Variants in SCAF8 observed in about 807,000 individuals in gnomAD.
The protein encoded by SCAF8 is SR-related and CTD-associated factor 8.
A neutral mutation model predicts 140.5 loss-of-function variants in SCAF8; 23 were observed. The ratio of observed to expected loss-of-function variants is 0.16; its 90% CI spans 0.12 to 0.23. The LOEUF is 0.23. SCAF8 is among the 10% of genes least tolerant of loss of function. The pLI is 1.00. For synonymous variants in SCAF8, 575 were observed against 528.9 expected, an observed-to-expected ratio of 1.09 and a Z score of -1.20; for missense variants, 1,397 against 1,555.7, an observed-to-expected ratio of 0.90 and a Z score of 1.72.
At chr6:154,777,006 C>T (rs2114850757) in intron 2 of SCAF8, among the ~76,000 whole-genome samples, 1 of 152,258 alleles carries the variant, frequency 6.6e-6, no homozygotes, top group Admixed American at 6.5e-5. Flanking sequence ...CATGGCGAAA[C>T]CCCGTCTCTA....
intron 6 of SCAF8, among the ~76,000 whole-genome samples, chr6:154,796,210 T>C (rs770764920): frequency 6.6e-6 from 1 of 152,160 alleles, no homozygotes; most frequent in Non-Finnish European, 1.5e-5. Context: ...TTTCGAGATA[T>C]GTATTTTTTA....
intron 4 of SCAF8, among the ~76,000 whole-genome samples, chr6:154,792,108 G>A (rs568493788): frequency 6.6e-6 from 1 of 152,110 alleles, no homozygotes; most frequent in African/African-American, 2.4e-5. Flanking sequence ...CGTTCTGAGG[G>A]CCAGATTAAG....
chr6:154,751,309 A>C (rs113622641), intron 1 of SCAF8, among the ~76,000 whole-genome samples: 2,238 of 151,462 alleles, frequency 0.015, 57 homozygotes, highest in African/African-American at 0.051. Context: ...GCTCACTGCA[A>C]CCTCCGCCTC....
intron 1 of SCAF8, among the ~76,000 whole-genome samples, chr6:154,738,215 GAAAA>G (rs1200248576): frequency 1.3e-5 from 2 of 150,628 alleles, no homozygotes; most frequent in Non-Finnish European, 3.0e-5. Flanking sequence ...AAAAAGAAAA[GAAAA>G]CCCCAATAAT....
At chr6:154,758,036 C>A (rs971421440) in intron 1 of SCAF8, among the ~76,000 whole-genome samples, 2 of 151,462 alleles carry the variant, frequency 1.3e-5, no homozygotes, top group Non-Finnish European at 2.9e-5. Flanking sequence ...TCAGCCTCCT[C>A]AGCAGCTAAG....
intron 1 of SCAF8, among the ~76,000 whole-genome samples, chr6:154,743,905 A>G (rs1181981048): frequency 2.0e-5 from 3 of 152,250 alleles, no homozygotes; most frequent in Non-Finnish European, 4.4e-5. Context: ...AACATGATGT[A>G]GCAAATGTCT....
chr6:154,752,748 G>T (rs1778868667), intron 1 of SCAF8, among the ~76,000 whole-genome samples: 3 of 152,158 alleles, frequency 2.0e-5, no homozygotes, highest in African/African-American at 7.2e-5. Context: ...TTGAGATGGA[G>T]TCTCACTCTG....
intron 16 of SCAF8, among the ~76,000 whole-genome samples, chr6:154,822,826 C>G (rs1778459082): frequency 6.6e-6 from 1 of 152,130 alleles, no homozygotes; most frequent in African/African-American, 2.4e-5. Flanking sequence ...GGCTCTGTGA[C>G]ACTCACTCTT....
In SCAF8 at chr6:154,810,201, A is replaced by G. The variant is rs747467861; in HGVS notation, c.1413A>G (p.Thr471=). 3 of 1,596,288 alleles carry G rather than the reference A, an allele frequency of 1.9e-6. No homozygotes were observed. Among genetic ancestry groups the G allele is most frequent in the South Asian group, 2.2e-5 (2 of 89,588 alleles). Residue 471 remains threonine, a synonymous_variant, in exon 12 of 20, where the codon ACA becomes ACG. Coordinates refer to ENST00000367178, the MANE Select transcript of SCAF8 (RefSeq NM_014892.5). ...GATTACCTCCAATTAGATCTAAAAC[A>G]CTAAGTGGTAAGTAACATATATCTG... ...KKGLPPIRSK[T]LSVCSTTLWV... is the part of the protein sequence containing the mutation.
chr6:154,759,915 C>T (rs901100082), intron 1 of SCAF8, among the ~76,000 whole-genome samples: 10 of 152,132 alleles, frequency 6.6e-5, no homozygotes, highest in Non-Finnish European at 8.8e-5. Context: ...GTGATCCTCC[C>T]ACCTCGGCCT....
At chr6:154,769,628 G>A (rs12191294) in intron 1 of SCAF8, among the ~76,000 whole-genome samples, 7,151 of 152,176 alleles carry the variant, frequency 0.047, 235 homozygotes, top group Non-Finnish European at 0.075. Flanking sequence ...TTTTCTATAC[G>A]ATGTTTCTGT....
chr6:154,832,515 C>T lies in SCAF8; in HGVS notation c.2936C>T (p.Pro979Leu), dbSNP rs1240057029. The T allele has an allele frequency of 6.2e-7, 1 of 1,613,744 alleles. No individual in the cohort carries two copies. The highest frequency in any genetic ancestry group is 8.5e-7 in the Non-Finnish European group (1 of 1,179,892). ...CCTCCAGGAGATATTTTTAGTCAAC[C>T]AGAAAGACCTTTTTTAGCTCCTGGA... is the stretch of plus-strand genomic sequence containing the variant. The part of the protein sequence containing the change: ...PFPPGDIFSQ[P>L]ERPFLAPGRQ... Residue 979 changes from proline (P) to leucine (L), a missense_variant, in exon 20 of 20, where the codon CCA (proline) becomes CTA (leucine). Pro to Leu is a moderately conservative substitution (Grantham distance 98). Transcript: ENST00000367178.
intron 1 of SCAF8, among the ~76,000 whole-genome samples, chr6:154,772,083 A>G: frequency 6.6e-6 from 1 of 152,156 alleles, no homozygotes; most frequent in Non-Finnish European, 1.5e-5. Flanking sequence ...TGAGATACGA[A>G]GGGCAAAAAT....
At chr6:154,826,081 A>C (rs1455795267) in intron 17 of SCAF8, among the ~76,000 whole-genome samples, 1 of 152,204 alleles carries the variant, frequency 6.6e-6, no homozygotes, top group African/African-American at 2.4e-5. Flanking sequence ...AAGACTAAAA[A>C]ATAAATTTGA....
In SCAF8 at chr6:154,734,063, G is replaced by A; in HGVS notation, c.30+133G>A. On this transcript the variant is annotated intron_variant, in intron 1 of 19. Coordinates refer to ENST00000367178, the MANE Select transcript of SCAF8 (RefSeq NM_014892.5). The stretch of plus-strand genomic sequence containing the variant: ...GGTGAGCGGTGGCCTAGCAGTGCCC[G>A]TGGGGGAGGGGTGTTTCTCCTCTGG... The A allele has an allele frequency of 2.3e-6, 3 of 1,313,912 alleles. 1 individual carries two copies. In the East Asian group the frequency reaches 8.9e-5, roughly 39 times the overall value. 81.4% of individuals were successfully genotyped at this position (1,313,912 alleles called of 1,614,324 possible). A position where few individuals can be genotyped will look rare whatever the true frequency, so the allele number is the denominator to read the frequency against.
At chr6:154,796,835 C>A (rs1462462613) in intron 6 of SCAF8, among the ~76,000 whole-genome samples, 1 of 152,054 alleles carries the variant, frequency 6.6e-6, no homozygotes, top group Non-Finnish European at 1.5e-5. Flanking sequence ...AGCTAGGCAG[C>A]TTGGCACATG....
At chr6:154,794,767 G>T (rs1562449772) in intron 5 of SCAF8, among the ~76,000 whole-genome samples, 1 of 84,728 alleles carries the variant, frequency 1.2e-5, no homozygotes, top group Non-Finnish European at 2.3e-5. Context: ...GGTGGGGGGG[G>T]GGGGGTGTGG....
intron 18 of SCAF8, among the ~76,000 whole-genome samples, chr6:154,828,507 T>C (rs1054517341): frequency 6.6e-6 from 1 of 152,124 alleles, no homozygotes; most frequent in Non-Finnish European, 1.5e-5. Flanking sequence ...TTTTTACTTC[T>C]AGTCAGTTGC....
In SCAF8 at chr6:154,834,200, T is replaced by C. The variant is rs999856039; in HGVS notation, c.*805T>C. ...GGTGGAAAAAGCATGTACTTTGATA[T>C]AAAAATCATGCAGCCTCCTCAGTAT... On this transcript the variant is annotated 3_prime_UTR_variant, in exon 20 of 20. Coordinates refer to ENST00000367178, the MANE Select transcript of SCAF8 (RefSeq NM_014892.5). The C allele has an allele frequency of 6.6e-6, 1 of 152,226 alleles. No homozygotes were observed. Among genetic ancestry groups the C allele is most frequent in the Non-Finnish European group, 1.5e-5 (1 of 68,030 alleles). 9.4% of individuals were successfully genotyped at this position (152,226 alleles called of 1,614,324 possible).
Sources: allele counts gnomAD v4.1 joint callset (sites outside exome capture counted in the v4.1 genomes callset), GRCh38; gene constraint gnomAD v4.1.1; transcripts MANE v1.5; gene names NCBI Gene and HGNC (gene_info 2026-07-23, HGNC 2026-07-21).